The following STAT5A variants were observed in gnomAD, a reference collection of about 807,000 sequenced individuals.
The protein encoded by STAT5A is signal transducer and activator of transcription 5A.
In STAT5A, 26 loss-of-function variants were observed where a neutral mutation model predicts 100.2. The observed-to-expected ratio is 0.26, with a 90% CI of 0.19 to 0.36. The LOEUF (loss-of-function observed/expected upper bound fraction) is 0.36, where lower values mean the gene tolerates loss of function less well. Among genes scored for constraint, STAT5A ranks in the 10% least tolerant of loss-of-function variants. The pLI, the probability that STAT5A is intolerant of heterozygous loss-of-function variation, is 1.00. For missense variants in STAT5A, 634 were observed against 1,027.5 expected (o/e 0.62, Z 5.24); for synonymous variants, 330 against 424.3 (o/e 0.78, Z 2.73).
At chr17:42,301,169 C>T (rs1464716245) in intron 8 of STAT5A, 106 bp from the exon 9 acceptor site, 18 of 1,523,770 alleles carry the variant, frequency 1.2e-5, no homozygotes, top group Non-Finnish European at 1.5e-5. Context: ...AGCTCATCAC[C>T]TCCTGAGCCC....
At position 42,311,754 on chromosome 17, in the gene STAT5A, C is replaced by T. The variant is rs937956461; in HGVS notation, c.*1085C>T. On this transcript the variant is annotated 3_prime_UTR_variant, in exon 19 of 19. Transcript: ENST00000590949. The stretch of plus-strand genomic sequence containing the variant: ...TGTTCTGGTGAGGCCTTGCTCCCAA[C>T]CCCACACGCTCCTCCCTCTGAGGCT... 6.6e-6 allele frequency: 1 copy of T among 152,654 alleles called. No individual in the cohort carries two copies. The highest frequency in any genetic ancestry group is 1.5e-5 in the Non-Finnish European group (1 of 68,056). 9.5% of individuals were successfully genotyped at this position (152,654 alleles called of 1,614,324 possible). A position where few individuals can be genotyped will look rare whatever the true frequency, so the allele number is the denominator to read the frequency against.
intron 17 of STAT5A, 63 bp downstream of exon 17, chr17:42,309,161 C>A: frequency 1.2e-6 from 2 of 1,611,934 alleles, no homozygotes; most frequent in Non-Finnish European, 8.5e-7. Flanking sequence ...GACCCTGCCT[C>A]CCATCCTGAT....
chr17:42,295,526 G>A, intron 4 of STAT5A, 93 bp from the exon 5 acceptor site: 2 of 1,382,314 alleles, frequency 1.4e-6, no homozygotes, highest in Admixed American at 2.2e-5. Flanking sequence ...TTGGGGTTTG[G>A]GGTTTGGGGT....
At chr17:42,307,350 C>G in intron 13 of STAT5A, 52 bp from the exon 14 acceptor site, 1 of 1,586,428 alleles carries the variant, frequency 6.3e-7, no homozygotes, top group Non-Finnish European at 8.6e-7. Context: ...CTTTCCTGGG[C>G]CACCTGTGAC....
At chr17:42,306,508 TCA>T in intron 13 of STAT5A, 61 bp downstream of exon 13, 1 of 1,561,022 alleles carries the variant, frequency 6.4e-7, no homozygotes, top group Non-Finnish European at 8.7e-7. Context: ...CTCCTCCACC[TCA>T]CAGACAGGTT....
intron 4 of STAT5A, among the ~76,000 whole-genome samples, chr17:42,294,755 G>A (rs1342614255): frequency 1.3e-5 from 2 of 152,226 alleles, no homozygotes; most frequent in Non-Finnish European, 2.9e-5. Context: ...GGGGTTGGAG[G>A]TAGGCAGGGC....
chr17:42,305,588 TG>T, intron 11 of STAT5A, 21 bp from the exon 12 acceptor site: 1 of 1,611,916 alleles, frequency 6.2e-7, no homozygotes, highest in Non-Finnish European at 8.5e-7. Flanking sequence ...CCCATCAACT[TG>T]GGTTCCTTTG....
chr17:42,298,511 G>A (rs557261810), intron 5 of STAT5A, among the ~76,000 whole-genome samples: 5 of 139,718 alleles, frequency 3.6e-5, no homozygotes, highest in South Asian at 4.5e-4. Context: ...TAGCTCTGTC[G>A]CCCAGGCTGG....
intron 4 of STAT5A, among the ~76,000 whole-genome samples, chr17:42,294,214 TAA>T (rs57901917): frequency 7.0e-6 from 1 of 141,846 alleles, no homozygotes; most frequent in African/African-American, 2.6e-5. Context: ...AGACTCTGTA[TAA>T]AAAAAAAAAA....
At position 42,308,368 on chromosome 17, in the gene STAT5A, C is replaced by T. The variant is rs1345448192; in HGVS notation, c.2062+35C>T. On this transcript the variant is annotated intron_variant, in intron 16 of 18. Coordinates refer to ENST00000590949, the MANE Select transcript of STAT5A (RefSeq NM_001288718.2). The surrounding 1 kb of genome is among the most constrained non-coding windows in gnomAD (Gnocchi z 4.6). ...GCCCCAGGACCCTGCCGGCTGACTC[C>T]CCCGGGCTCTTCCCCAGCCCATAGA... 3 of 1,613,576 alleles carry T rather than the reference C, an allele frequency of 1.9e-6. No individual in the cohort carries two copies. Among genetic ancestry groups the T allele is most frequent in the Non-Finnish European group, 2.5e-6 (3 of 1,179,900 alleles).
Position 42,290,354 on chromosome 17 carries a change from C to T in STAT5A, c.285+332C>T, listed in dbSNP as rs912201341. ...CCAGCAGACTCTAGAAATGAGGCCA[C>T]CAGACCTCCCTCTTGGGGTCTTTTA... is the stretch of plus-strand genomic sequence containing the variant. On this transcript the variant is annotated intron_variant, in intron 3 of 18. Transcript: ENST00000590949. Among the ~76,000 whole-genome samples, 2 of 152,096 alleles carry T rather than the reference C, an allele frequency of 1.3e-5. 1 individual carries two copies. The highest frequency in any genetic ancestry group is 4.1e-4 in the South Asian group (2 of 4,824).
chr17:42,290,838 G>A (rs2080862640), intron 3 of STAT5A, among the ~76,000 whole-genome samples: 1 of 152,202 alleles, frequency 6.6e-6, no homozygotes, highest in South Asian at 2.1e-4. Flanking sequence ...ATGTCCTAGA[G>A]TTTCCATGCT....
Position 42,308,712 on chromosome 17 carries a change from C to G in STAT5A, c.2063-335C>G, listed in dbSNP as rs2081052605. On this transcript the variant is annotated intron_variant, in intron 16 of 18. Coordinates refer to ENST00000590949, the MANE Select transcript of STAT5A (RefSeq NM_001288718.2). The surrounding 1 kb of genome is among the most constrained non-coding windows in gnomAD (Gnocchi z 4.6). ...AACCTTCCCCCGAGTGGAGTGCAGG[C>G]AGCAAAAGGGAGAAGTCTCTCTTCT... 1.8e-5 allele frequency: 9 copies of G among 492,468 alleles called. No homozygotes were observed. The South Asian group carries it at 2.0e-4, about 11-fold the overall frequency. The allele number at this position is 492,468 out of a possible 1,614,324, so 30.5% of individuals were successfully genotyped here. A position where few individuals can be genotyped will look rare whatever the true frequency, so the allele number is the denominator to read the frequency against.
rs1448837748 is a variant in STAT5A, at chr17:42,295,710, A to G, written c.467A>G (p.Gln156Arg). Residue 156 changes from glutamine to arginine, a missense_variant, in exon 5 of 19, where the codon CAG (glutamine) becomes CGG (arginine). Gln to Arg is a conservative substitution (Grantham distance 43, BLOSUM62 1). This residue lies in a region of STAT5A where 207 missense variants were observed against 256.6 expected (regional missense o/e 0.81). Transcript: ENST00000590949. ...TTTGAGGAGCTGCGACTGGTCACGC[A>G]GGACACAGAGAATGAGCTGAAGAAA... is the stretch of plus-strand genomic sequence containing the variant. Reference protein sequence around the residue: ...QTFEELRLVTQDTENELKKLQ... With the variant: ...QTFEELRLVTRDTENELKKLQ... 3 of 1,613,874 alleles carry G rather than the reference A, an allele frequency of 1.9e-6. No individual in the cohort carries two copies. Among genetic ancestry groups the G allele is most frequent in the East Asian group, 2.2e-5 (1 of 44,882 alleles).
chr17:42,295,642 G>C lies in STAT5A; in HGVS notation c.399G>C (p.Leu133=). The part of the protein sequence containing the change: ...ANNCSSPAGI[L]VDAMSQKHLQ... ...AGTGCAGCTCTCCGGCTGGGATCCT[G>C]GTTGACGCCATGTCCCAGAAGCACC... The change falls in exon 5 of 19, where the codon CTG becomes CTC. Residue 133 remains leucine, a synonymous_variant. Transcript: ENST00000590949. 1 of 1,613,760 alleles carries C rather than the reference G, an allele frequency of 6.2e-7. No individual in the cohort carries two copies. Among genetic ancestry groups the C allele is most frequent in the Non-Finnish European group, 8.5e-7 (1 of 1,179,862 alleles).
Position 42,308,147 on chromosome 17 carries a change from G to A in STAT5A, c.1907-31G>A. The A allele has an allele frequency of 6.2e-7, 1 of 1,608,692 alleles. No homozygotes were observed. The highest frequency in any genetic ancestry group is 8.5e-7 in the Non-Finnish European group (1 of 1,175,900). On this transcript the variant is annotated intron_variant, in intron 15 of 18. Transcript: ENST00000590949. The surrounding 1 kb of genome is among the most constrained non-coding windows in gnomAD (Gnocchi z 4.6). ...AACCTTGGTCCTCCTGCTGCTGGTGGATTATGGGAATGAGGCTGTTCTTTT... is the reference window on the plus strand; with the variant it reads ...AACCTTGGTCCTCCTGCTGCTGGTGAATTATGGGAATGAGGCTGTTCTTTT...
At chr17:42,310,401 T>A in intron 18 of STAT5A, 106 bp from the exon 19 acceptor site, 2 of 1,316,410 alleles carry the variant, frequency 1.5e-6, no homozygotes, top group Non-Finnish European at 2.1e-6. Flanking sequence ...ACTGGTCCTG[T>A]TCTCATGAGA....
chr17:42,309,228 C>G lies in STAT5A; in HGVS notation c.2114+130C>G, dbSNP rs1463875311. The stretch of plus-strand genomic sequence containing the variant: ...CCTGTCTCAGCCCTGGGGAGGGAGT[C>G]CCCTCTCCTGTAGCTGGAGCCCCAG... On this transcript the variant is annotated intron_variant, in intron 17 of 18. Coordinates refer to ENST00000590949, the MANE Select transcript of STAT5A (RefSeq NM_001288718.2). 1.9e-6 allele frequency: 3 copies of G among 1,559,362 alleles called. No individual in the cohort carries two copies. In the African/African-American group the frequency reaches 4.1e-5, roughly 21 times the overall value.
rs1422205865 is a variant in STAT5A at position 42,309,101 on chromosome 17, A to G, written c.2114+3A>G. 1.2e-6 allele frequency: 2 copies of G among 1,614,050 alleles called. No individual in the cohort carries two copies. Among genetic ancestry groups the G allele is most frequent in the African/African-American group, 2.7e-5 (2 of 75,012 alleles). On this transcript the variant is annotated splice_donor_region_variant and intron_variant, in intron 17 of 18. Coordinates refer to ENST00000590949, the MANE Select transcript of STAT5A (RefSeq NM_001288718.2). ...CAGATCAAGCAAGTGGTCCCTGAGT[A>G]AGTGTCCAGGTGGCTGTGGCTCTCC...
Sources: gnomAD v4.1 joint callset for allele counts (sites outside exome capture counted in the v4.1 genomes callset) on GRCh38, gnomAD v4.1.1 for gene constraint, gnomAD v4.1.1 regional missense constraint, Gnocchi (gnomAD v3.1) non-coding constraint, MANE v1.5 for transcripts, NCBI Gene and HGNC (gene_info 2026-07-23, HGNC 2026-07-21) for gene names.